NRAP: variants seen among roughly 807,000 people sequenced by gnomAD.
NRAP encodes the protein nebulin related anchoring protein.
NRAP carries 189 observed loss-of-function variants against 225.9 expected under a neutral mutation model. That is an observed-to-expected ratio of 0.84 (90% CI 0.74 to 0.94). NRAP has a LOEUF of 0.94. Ranked by LOEUF, NRAP falls within the 40% of genes least tolerant of loss-of-function variation. NRAP has a pLI of 0.00. For synonymous variants in NRAP, 769 were observed against 790.7 expected (o/e 0.97, Z 0.46); for missense variants, 2,176 against 2,168.7 (o/e 1.00, Z -0.07).
intron 3 of NRAP, among the ~76,000 whole-genome samples, chr10:113,659,576 A>G (rs867048912): frequency 2.0e-5 from 3 of 152,224 alleles, no homozygotes; most frequent in Admixed American, 1.3e-4. Flanking sequence ...GATTACACCA[A>G]GGAAACAGAA....
rs780550875 is a variant in NRAP, at chr10:113,624,828, C to T, written c.2347G>A (p.Glu783Lys). 2.5e-5 allele frequency: 40 copies of T among 1,611,698 alleles called. No individual in the cohort carries two copies. The Admixed American group carries it at 2.5e-4, about 10-fold the overall frequency. The change falls in exon 22 of 42, where the codon GAG becomes AAG. Residue 783 changes from glutamate (E) to lysine (K), a missense_variant and splice_region_variant. Transcript: ENST00000359988. ...QARANAANLS[E>K]KLYKSSWENQ... ...CTGCCCACTCATTCTCTCTGTACCT[C>T]GCTGAGATTTGCAGCATTGGCTCGG...
intron 38 of NRAP, among the ~76,000 whole-genome samples, chr10:113,593,629 T>G (rs1035737010): frequency 1.3e-5 from 2 of 152,204 alleles, no homozygotes; most frequent in African/African-American, 4.8e-5. Flanking sequence ...ATCATTGAGT[T>G]TAGCAGTTAG....
rs747787318 is a variant in NRAP at position 113,606,160 on chromosome 10, A to C, written c.3807+18T>G. The C allele has an allele frequency of 1.1e-5, 17 of 1,582,192 alleles. No individual in the cohort carries two copies. The highest frequency in any genetic ancestry group is 1.3e-5 in the Non-Finnish European group (15 of 1,150,900). ...TGGCTTTGGAGCATGCTTGAACTTAAGTAACAAAAGGGCTTACGTCACTCA... is the reference window on the plus strand; with the variant it reads ...TGGCTTTGGAGCATGCTTGAACTTACGTAACAAAAGGGCTTACGTCACTCA... On this transcript the variant is annotated intron_variant, in intron 33 of 41. Coordinates refer to ENST00000359988, the MANE Select transcript of NRAP (RefSeq NM_198060.4).
chr10:113,596,982 A>G (rs1306571921), intron 37 of NRAP, 104 bp downstream of exon 37: 1 of 750,586 alleles, frequency 1.3e-6, no homozygotes, highest in African/African-American at 1.7e-5. Flanking sequence ...TAGTAGAAAG[A>G]AGGTTTGCAC....
chr10:113,617,424 A>T, intron 26 of NRAP, 31 bp downstream of exon 26: 1 of 1,258,316 alleles, frequency 7.9e-7, no homozygotes, highest in South Asian at 1.2e-5. Context: ...GCCCACTCTT[A>T]GAGTCATAAT....
At chr10:113,604,368 G>C (rs1592742630) in intron 35 of NRAP, among the ~76,000 whole-genome samples, 1 of 152,192 alleles carries the variant, frequency 6.6e-6, no homozygotes, top group African/African-American at 2.4e-5. Context: ...GCCTGGCTCA[G>C]CCTCCCAAAG....
Position 113,653,023 on chromosome 10 carries a change from T to TCAATC in NRAP, c.481_482insGATTG (p.Tyr161Ter). 6.2e-7 allele frequency: 1 copy of TCAATC among 1,608,270 alleles called. No homozygotes were observed. The highest frequency in any genetic ancestry group is 1.4e-5 in the African/African-American group (1 of 74,060). ...GCTCCCCTTGCCCCTGGGTTGCTCA[T>TCAATC]AGTCTTCTGTATATTCCTGTTGGTC... On this transcript the variant is annotated stop_gained and frameshift_variant, in exon 6 of 42. Coordinates refer to ENST00000359988, the MANE Select transcript of NRAP (RefSeq NM_198060.4). LOFTEE classifies it high-confidence loss of function.
At chr10:113,640,735 C>G (rs530205236) in intron 13 of NRAP, among the ~76,000 whole-genome samples, 18 of 152,090 alleles carry the variant, frequency 1.2e-4, no homozygotes, top group African/African-American at 4.3e-4. Context: ...AGAGAAAATC[C>G]GACATTTGTA....
chr10:113,623,983 A>AC (rs1848146153), intron 22 of NRAP, among the ~76,000 whole-genome samples: 1 of 152,002 alleles, frequency 6.6e-6, no homozygotes, highest in Non-Finnish European at 1.5e-5. Flanking sequence ...CTGTCCACGC[A>AC]CCCCACCCTG....
At chr10:113,636,863 C>T (rs922604090) in intron 14 of NRAP, among the ~76,000 whole-genome samples, 2 of 152,028 alleles carry the variant, frequency 1.3e-5, no homozygotes, top group Admixed American at 1.3e-4. Flanking sequence ...AAAAATTAGC[C>T]GGGCGTGGTG....
chr10:113,628,993 A>T lies in NRAP; in HGVS notation c.2069T>A (p.Met690Lys), dbSNP rs982442239. 1.2e-6 allele frequency: 2 copies of T among 1,613,822 alleles called. No homozygotes were observed. The highest frequency in any genetic ancestry group is 2.7e-5 in the African/African-American group (2 of 74,920). The change falls in exon 20 of 42, where the codon ATG becomes AAG. Residue 690 changes from methionine to lysine, a missense_variant. Transcript: ENST00000359988. ...ELQYKADLAW[M>K]KGVGWLTEGS... is the part of the protein sequence containing the mutation. Reference sequence around the variant, plus strand: ...CTCTGTCAGCCACCCAACTCCCTTCATCCATGCCAGGTCAGCCTTGTACTG... The same window carrying T: ...CTCTGTCAGCCACCCAACTCCCTTCTTCCATGCCAGGTCAGCCTTGTACTG...
chr10:113,634,827 G>A (rs573187524), intron 14 of NRAP, among the ~76,000 whole-genome samples: 95 of 152,264 alleles, frequency 6.2e-4, no homozygotes, highest in Non-Finnish European at 1.0e-3. Flanking sequence ...AAAGTAAAAT[G>A]AAAGAGAAAC....
In NRAP at chr10:113,628,984, A is replaced by G. The variant is rs374679989; in HGVS notation, c.2078T>C (p.Val693Ala). The change falls in exon 20 of 42, where the codon GTT (valine) becomes GCT (alanine). Residue 693 changes from valine to alanine, a missense_variant. Val to Ala is a moderately conservative substitution (Grantham distance 64, BLOSUM62 0). This residue lies in a region of NRAP where 1,708 missense variants were observed against 1,695.5 expected (regional missense o/e 1.01). Coordinates refer to ENST00000359988, the MANE Select transcript of NRAP (RefSeq NM_198060.4). ...YKADLAWMKG[V>A]GWLTEGSLNL... ...GAGACTCCCCTCTGTCAGCCACCCA[A>G]CTCCCTTCATCCATGCCAGGTCAGC... The G allele has an allele frequency of 1.9e-6, 3 of 1,613,600 alleles. No homozygotes were observed. In the African/African-American group the frequency reaches 4.0e-5, roughly 22 times the overall value.
At chr10:113,624,082 C>G (rs1848152705) in intron 22 of NRAP, among the ~76,000 whole-genome samples, 1 of 152,170 alleles carries the variant, frequency 6.6e-6, no homozygotes, top group Non-Finnish European at 1.5e-5. Flanking sequence ...CTTGCGCCTC[C>G]TGTTCTCTCT....
chr10:113,641,317 T>C (rs757965438), intron 13 of NRAP, 48 bp downstream of exon 13: 1 of 1,116,852 alleles, frequency 9.0e-7, no homozygotes, highest in Admixed American at 2.0e-5. Flanking sequence ...GAATTCTTCA[T>C]GCCCTGCCCC....
At position 113,589,734 on chromosome 10, in the gene NRAP, T is replaced by C. The variant is rs367960069; in HGVS notation, c.5020A>G (p.Lys1674Glu). The change falls in exon 41 of 42, where the codon AAA (lysine) becomes GAA (glutamate). Residue 1674 changes from lysine (K) to glutamate (E), a missense_variant. By Grantham distance (56) the Lys-to-Glu change is moderately conservative. Coordinates refer to ENST00000359988, the MANE Select transcript of NRAP (RefSeq NM_198060.4). Reference sequence around the variant, plus strand: ...GCAGCCCGCCGAGCCATTTCCACTTTGTAGGAGCCAGGAGGGGTCCAGCCA... The same window carrying C: ...GCAGCCCGCCGAGCCATTTCCACTTCGTAGGAGCCAGGAGGGGTCCAGCCA... ...GVGWTPPGSY[K>E]VEMARRAAEL... The C allele has an allele frequency of 6.8e-6, 11 of 1,614,068 alleles. No individual in the cohort carries two copies. Among genetic ancestry groups the C allele is most frequent in the Non-Finnish European group, 9.3e-6 (11 of 1,180,038 alleles).
intron 35 of NRAP, among the ~76,000 whole-genome samples, chr10:113,602,743 C>T (rs377311807): frequency 1.1e-4 from 17 of 152,130 alleles, no homozygotes; most frequent in Admixed American, 2.0e-4. Flanking sequence ...AGGGGCTTGG[C>T]GCAAGGAACG....
At position 113,657,465 on chromosome 10, in the gene NRAP, C is replaced by G. The variant is rs765822591; in HGVS notation, c.360+5G>C. On this transcript the variant is annotated splice_donor_5th_base_variant and intron_variant, in intron 4 of 41. Transcript: ENST00000359988. ...TTCCAAACCCACTTGTCACTTTTCTCTCACCTCATTTGCCAGTGGCTGCCT... is the reference window on the plus strand; with the variant it reads ...TTCCAAACCCACTTGTCACTTTTCTGTCACCTCATTTGCCAGTGGCTGCCT... 2.0e-6 allele frequency: 3 copies of G among 1,463,558 alleles called. No homozygotes were observed. Among genetic ancestry groups the G allele is most frequent in the South Asian group, 2.3e-5 (2 of 87,512 alleles). The allele number at this position is 1,463,558 out of a possible 1,614,324, so 90.7% of individuals were successfully genotyped here. A position where few individuals can be genotyped will look rare whatever the true frequency, so the allele number is the denominator to read the frequency against.
At chr10:113,634,583 GA>G (rs1848757425) in intron 14 of NRAP, among the ~76,000 whole-genome samples, 1 of 152,206 alleles carries the variant, frequency 6.6e-6, no homozygotes, top group Non-Finnish European at 1.5e-5. Context: ...GAGGACTTAT[GA>G]AAACTCTCAC....
Sources: allele counts gnomAD v4.1 joint callset (sites outside exome capture counted in the v4.1 genomes callset), GRCh38; gene constraint gnomAD v4.1.1; regional missense constraint gnomAD v4.1.1; transcripts MANE v1.5; gene names NCBI Gene and HGNC (gene_info 2026-07-23, HGNC 2026-07-21).